CTCF: variants seen among roughly 807,000 people sequenced by gnomAD.
CTCF encodes CCCTC-binding factor, also known as transcriptional repressor CTCF.
Under a neutral mutation model 72.3 loss-of-function variants are expected in CTCF, and 7 were observed. The ratio of observed to expected loss-of-function variants is 0.10; its 90% CI spans 0.06 to 0.18. The LOEUF is 0.18. CTCF is among the 10% of genes least tolerant of loss of function. The probability of loss-of-function intolerance (pLI) is 1.00; values close to 1 mark genes in which losing one functional copy is unlikely to be tolerated. For missense variants in CTCF, 516 were observed against 949.1 expected (o/e 0.54, Z 6.00); for synonymous variants, 374 against 315.8 (o/e 1.18, Z -1.95).
chr16:67,626,953 T>C lies in CTCF; in HGVS notation c.1518+238T>C, dbSNP rs145081745. 2.3e-4 allele frequency: 80 copies of C among 343,700 alleles called. 1 individual carries two copies. The highest frequency in any genetic ancestry group is 1.6e-3 in the African/African-American group (75 of 47,632). The allele number at this position is 343,700 out of a possible 1,614,324, so 21.3% of individuals were successfully genotyped here. A position where few individuals can be genotyped will look rare whatever the true frequency, so the allele number is the denominator to read the frequency against. ...CTTAAGCAGACATCTTTCTGAAAAC[T>C]GTGGAAAGTAAGTCCAGGACTTGAG... On this transcript the variant is annotated intron_variant, in intron 8 of 11. Transcript: ENST00000264010.
intron 1 of CTCF, among the ~76,000 whole-genome samples, chr16:67,567,544 G>C (rs982615066): frequency 4.6e-5 from 7 of 152,080 alleles, no homozygotes; most frequent in African/African-American, 1.7e-4. Flanking sequence ...TTTCCTCTTA[G>C]AAGATGTACC....
At position 67,626,631 on chromosome 16, in the gene CTCF, G is replaced by T; in HGVS notation, c.1434G>T (p.Glu478Asp). The T allele has an allele frequency of 6.3e-7, 1 of 1,580,040 alleles. No individual in the cohort carries two copies. Residue 478 changes from glutamate (E) to aspartate (D), a missense_variant, in exon 8 of 12, where the codon GAG becomes GAT. Coordinates refer to ENST00000264010, the MANE Select transcript of CTCF (RefSeq NM_006565.4). ...GTTACTGTGATGCTGTGTTTCATGA[G>T]CGCTATGCCCTCATCCAGCATCAGA... ...KCRYCDAVFH[E>D]RYALIQHQKS...
At chr16:67,609,420 T>C (rs1168414250) in intron 2 of CTCF, among the ~76,000 whole-genome samples, 1 of 152,226 alleles carries the variant, frequency 6.6e-6, no homozygotes, top group African/African-American at 2.4e-5. Flanking sequence ...AAATTAGTTT[T>C]GTTAGTAATT....
intron 7 of CTCF, among the ~76,000 whole-genome samples, chr16:67,624,770 T>C (rs2052260763): frequency 6.6e-6 from 1 of 151,828 alleles, no homozygotes; most frequent in Non-Finnish European, 1.5e-5. Flanking sequence ...TTTTTTTAGC[T>C]TTTGGTAGAG....
At chr16:67,599,698 A>G (rs2051862086) in intron 2 of CTCF, among the ~76,000 whole-genome samples, 2 of 152,194 alleles carry the variant, frequency 1.3e-5, no homozygotes, top group Non-Finnish European at 1.5e-5. Context: ...GAGAAACACA[A>G]TAAGGATCTG....
chr16:67,575,933 C>G (rs993599637), intron 2 of CTCF, among the ~76,000 whole-genome samples: 11 of 150,820 alleles, frequency 7.3e-5, no homozygotes, highest in African/African-American at 2.7e-4. Flanking sequence ...ATATAAAACC[C>G]TAACCCATTT....
intron 5 of CTCF, 96 bp downstream of exon 5, chr16:67,616,974 G>A: frequency 8.5e-6 from 11 of 1,287,002 alleles, no homozygotes; most frequent in Non-Finnish European, 1.2e-5. Context: ...CTTAAGATGA[G>A]GTAGAAAAAT....
In CTCF at chr16:67,620,738, G is replaced by A; in HGVS notation, c.1128G>A (p.Glu376=). The A allele has an allele frequency of 6.3e-7, 1 of 1,599,798 alleles. No individual in the cohort carries two copies. The highest frequency in any genetic ancestry group is 8.6e-7 in the Non-Finnish European group (1 of 1,169,034). ...GTCACATTCGCTCTCATACTGGAGA[G>A]CGTCCGTTTCAGTGCAGTTTGTGCA... ...LKRHIRSHTG[E]RPFQCSLCSY... The change falls in exon 6 of 12, where the codon GAG becomes GAA. Residue 376 remains glutamate, a synonymous_variant. Coordinates refer to ENST00000264010, the MANE Select transcript of CTCF (RefSeq NM_006565.4).
In CTCF at chr16:67,638,197, G is replaced by A. The variant is rs959874967; in HGVS notation, c.*325G>A. 3.4e-6 allele frequency: 1 copy of A among 292,068 alleles called. No individual in the cohort carries two copies. The highest frequency in any genetic ancestry group is 2.1e-5 in the African/African-American group (1 of 47,150). The allele number at this position is 292,068 out of a possible 1,614,324, so 18.1% of individuals were successfully genotyped here. ...TCCATGTGGTAAACCACTCCAGAAT[G>A]GCCACCAGGCTTCCCAGAGTTCTAT... is the stretch of plus-strand genomic sequence containing the variant. On this transcript the variant is annotated 3_prime_UTR_variant, in exon 12 of 12. Transcript: ENST00000264010.
At chr16:67,620,216 T>C (rs563934556) in intron 5 of CTCF, among the ~76,000 whole-genome samples, 1 of 152,272 alleles carries the variant, frequency 6.6e-6, no homozygotes, top group Admixed American at 6.5e-5. Flanking sequence ...GCAGTCTTTT[T>C]TTTTGAGACA....
intron 10 of CTCF, among the ~76,000 whole-genome samples, chr16:67,633,851 A>G (rs140890359): frequency 2.3e-4 from 35 of 152,140 alleles, no homozygotes; most frequent in African/African-American, 8.4e-4. Flanking sequence ...CTGCCCACTT[A>G]GAGATGAGCA....
At chr16:67,581,208 G>T (rs571879081) in intron 2 of CTCF, among the ~76,000 whole-genome samples, 1 of 152,166 alleles carries the variant, frequency 6.6e-6, no homozygotes, top group Admixed American at 6.5e-5. Flanking sequence ...GATTACAGGC[G>T]TGAGCCACTG....
rs1451143259 is a variant in CTCF at position 67,637,898 on chromosome 16, A to G, written c.*26A>G. 1 of 1,585,454 alleles carries G rather than the reference A, an allele frequency of 6.3e-7. No homozygotes were observed. Among genetic ancestry groups the G allele is most frequent in the South Asian group, 1.1e-5 (1 of 89,062 alleles). ...TGGCGGAGCCTTGTGCGTCGCCAGG[A>G]CTTCTCTGGGCTGTGTTTAAACGGC... On this transcript the variant is annotated 3_prime_UTR_variant, in exon 12 of 12. Transcript: ENST00000264010.
At chr16:67,621,269 G>T in intron 6 of CTCF, 173 bp from the exon 7 acceptor site, 1 of 557,412 alleles carries the variant, frequency 1.8e-6, no homozygotes, top group South Asian at 2.5e-5. Context: ...AGCAGTTTAG[G>T]ACTTGGCCAT....
In CTCF at chr16:67,584,155, G is replaced by A. The variant is rs540248616; in HGVS notation, c.-10+12891G>A. On this transcript the variant is annotated intron_variant, in intron 2 of 11. Transcript: ENST00000264010. ...GGAGGCCGAAGTGGGTGGATCACCT[G>A]AGGTCAGGAGTTCGAGACTAGCTGG... Among the ~76,000 whole-genome samples the A allele has an allele frequency of 2.6e-5, 4 of 151,728 alleles. 1 individual carries two copies. The highest frequency in any genetic ancestry group is 4.2e-4 in the South Asian group (2 of 4,788).
At chr16:67,629,745 C>CT (rs1567616725) in intron 10 of CTCF, among the ~76,000 whole-genome samples, 1 of 85,030 alleles carries the variant, frequency 1.2e-5, no homozygotes. Context: ...TCATTAATGC[C>CT]CTTTTTTTTT....
At chr16:67,566,217 T>A (rs1384169467) in intron 1 of CTCF, among the ~76,000 whole-genome samples, 1 of 152,038 alleles carries the variant, frequency 6.6e-6, no homozygotes, top group Admixed American at 6.6e-5. Context: ...TTGATGTGAT[T>A]TGTAGGTGGG....
intron 2 of CTCF, among the ~76,000 whole-genome samples, chr16:67,585,260 G>C (rs945117998): frequency 3.9e-5 from 6 of 152,164 alleles, no homozygotes; most frequent in Non-Finnish European, 7.3e-5. Context: ...ATGTTGGTCA[G>C]GCTCGTCTCA....
intron 5 of CTCF, among the ~76,000 whole-genome samples, chr16:67,620,286 C>T (rs2052184389): frequency 6.6e-6 from 1 of 152,060 alleles, no homozygotes; most frequent in South Asian, 2.1e-4. Context: ...CTGCAGCCTC[C>T]ACCTCCTGGG....
Sources: allele counts gnomAD v4.1 joint callset (sites outside exome capture counted in the v4.1 genomes callset), GRCh38; gene constraint gnomAD v4.1.1; transcripts MANE v1.5; gene names NCBI Gene and HGNC (gene_info 2026-07-23, HGNC 2026-07-21).